The following THOC2 variants were observed in gnomAD, a reference collection of about 807,000 sequenced individuals.
THOC2 encodes the protein THO complex subunit 2.
THOC2 carries 10 observed loss-of-function variants against 128.4 expected under a neutral mutation model. That is an observed-to-expected ratio of 0.08 (90% CI 0.05 to 0.13). The LOEUF (loss-of-function observed/expected upper bound fraction) is 0.13, where lower values mean the gene tolerates loss of function less well. Ranked by LOEUF, THOC2 falls within the 10% of genes least tolerant of loss-of-function variation. The pLI is 1.00. For synonymous variants in THOC2, 393 were observed against 396.9 expected (o/e 0.99, Z 0.12); for missense variants, 535 against 1,155.7 (o/e 0.46, Z 7.79).
intron 37 of THOC2, 60 bp from the exon 38 acceptor site, chrX:123,611,023 C>T (rs1569319686): frequency 1.8e-6 from 2 of 1,091,699 alleles, no homozygotes; most frequent in African/African-American, 3.6e-5. Flanking sequence ...AGCATCTCCC[C>T]TTTTAGTACA....
intron 33 of THOC2, among the ~76,000 whole-genome samples, chrX:123,615,019 G>A (rs1256935653): frequency 9.0e-6 from 1 of 111,642 alleles, no homozygotes; most frequent in Non-Finnish European, 1.9e-5. Flanking sequence ...TTGTAAATAT[G>A]GAAATATGCT....
intron 1 of THOC2, among the ~76,000 whole-genome samples, chrX:123,714,731 A>C (rs1426337080): frequency 2.7e-5 from 3 of 112,120 alleles, no homozygotes; most frequent in African/African-American, 9.7e-5. Context: ...TAACATTCTG[A>C]TCACATTAGA....
chrX:123,701,594 G>T (rs1328906178), intron 4 of THOC2, among the ~76,000 whole-genome samples: 1 of 109,475 alleles, frequency 9.1e-6, no homozygotes, highest in African/African-American at 3.3e-5. Context: ...AGGAACAATA[G>T]CTTCCACAAA....
At chrX:123,628,079 C>G in intron 22 of THOC2, 111 bp from the exon 23 acceptor site, 1 of 600,744 alleles carries the variant, frequency 1.7e-6, no homozygotes, top group Admixed American at 3.6e-5. Flanking sequence ...CAAAAGATGA[C>G]CAATCTCAAA....
At chrX:123,654,382 T>G (rs1175256147) in intron 12 of THOC2, among the ~76,000 whole-genome samples, 2 of 108,958 alleles carry the variant, frequency 1.8e-5, no homozygotes, top group Non-Finnish European at 3.8e-5. Context: ...TCTGCACATG[T>G]ATCCCAGAAC....
intron 30 of THOC2, 149 bp downstream of exon 30, chrX:123,622,609 G>A: frequency 2.5e-6 from 1 of 392,551 alleles, no homozygotes; most frequent in South Asian, 5.4e-5. Context: ...TTCCAGCAGT[G>A]TGGAAAGCCA....
chrX:123,672,051 A>C (rs1004821868), intron 8 of THOC2, among the ~76,000 whole-genome samples: 1 of 112,647 alleles, frequency 8.9e-6, no homozygotes, highest in East Asian at 2.8e-4. Flanking sequence ...GCTGAATAGC[A>C]TAAGTGAGAT....
rs761184116 is a variant in THOC2, at chrX:123,683,147, C to G, written c.768+3401G>C. On this transcript the variant is annotated intron_variant, in intron 8 of 38. Transcript: ENST00000245838. ...TGCATACTGGTTGAGCATCCCAAAT[C>G]TGAAAACCCAAAATCCAAAATGCTC... is the stretch of plus-strand genomic sequence containing the variant. 9.9e-5 allele frequency among the ~76,000 whole-genome samples: 11 copies of G among 111,551 alleles called. No homozygotes were observed. In the South Asian group the frequency reaches 3.8e-3, roughly 38 times the overall value.
intron 8 of THOC2, among the ~76,000 whole-genome samples, chrX:123,683,210 G>T (rs948283285): frequency 1.8e-5 from 2 of 111,509 alleles, no homozygotes; most frequent in African/African-American, 6.5e-5. Context: ...TGCTCAAAAA[G>T]TTTTGGATTT....
intron 1 of THOC2, among the ~76,000 whole-genome samples, chrX:123,716,039 T>C (rs1417736658): frequency 2.7e-5 from 3 of 111,172 alleles, no homozygotes; most frequent in Non-Finnish European, 5.7e-5. Flanking sequence ...CACAGGTCAA[T>C]GCCTCTTATA....
chrX:123,625,579 T>C (rs1183327397), intron 25 of THOC2, among the ~76,000 whole-genome samples: 3 of 109,487 alleles, frequency 2.7e-5, no homozygotes, highest in Non-Finnish European at 5.7e-5. Flanking sequence ...CTACCTATTA[T>C]GATACAACAC....
At chrX:123,723,676 G>C (rs2051808948) in intron 1 of THOC2, among the ~76,000 whole-genome samples, 1 of 111,166 alleles carries the variant, frequency 9.0e-6, no homozygotes, top group Non-Finnish European at 1.9e-5. Context: ...CATAACTGTT[G>C]AACAAAAGCA....
rs1268143956 is a variant in THOC2, at chrX:123,686,658, A to G, written c.658T>C (p.Cys220Arg). Reference sequence around the variant, plus strand: ...AAGAAGTCATCGTGTTCTGGCCTGCATTCAAACACTTCTAAAATGACATCC... The same window carrying G: ...AAGAAGTCATCGTGTTCTGGCCTGCGTTCAAACACTTCTAAAATGACATCC... Reference protein sequence around the residue: ...VLDVILEVFECRPEHDDFFIS... With the variant: ...VLDVILEVFERRPEHDDFFIS... Residue 220 changes from cysteine to arginine, a missense_variant, in exon 8 of 39, where the codon TGC (cysteine) becomes CGC (arginine). Around this residue, in one of 9 missense-constraint regions of THOC2, gnomAD observed 197 missense variants for 313.4 expected, o/e 0.63. Transcript: ENST00000245838. 1 of 1,207,234 alleles carries G rather than the reference A, an allele frequency of 8.3e-7. No homozygotes were observed. Among genetic ancestry groups the G allele is most frequent in the South Asian group, 1.8e-5 (1 of 55,818 alleles).
intron 7 of THOC2, 146 bp from the exon 8 acceptor site, chrX:123,686,860 A>C (rs763275656): frequency 1.8e-3 from 829 of 452,623 alleles, no homozygotes; most frequent in Non-Finnish European, 2.8e-3. Flanking sequence ...TCTCTCCCAG[A>C]GGGAAATAAA....
intron 12 of THOC2, among the ~76,000 whole-genome samples, chrX:123,657,642 GAT>G (rs1448909866): frequency 2.3e-5 from 2 of 85,321 alleles, no homozygotes; most frequent in Non-Finnish European, 4.8e-5. Flanking sequence ...AAAGTGTTAA[GAT>G]AAAAAAAAAA....
At chrX:123,662,647 T>A (rs1162842818) in intron 12 of THOC2, among the ~76,000 whole-genome samples, 5 of 108,876 alleles carry the variant, frequency 4.6e-5, no homozygotes, top group African/African-American at 1.7e-4. Context: ...AATTTTTTGC[T>A]GTCAAAAGAT....
chrX:123,640,159 C>A (rs2047854837), intron 16 of THOC2, among the ~76,000 whole-genome samples: 1 of 111,117 alleles, frequency 9.0e-6, no homozygotes, highest in Non-Finnish European at 1.9e-5. Flanking sequence ...TGCACTCCAG[C>A]CTGGGCAATA....
At chrX:123,702,484 T>C (rs766205224) in intron 4 of THOC2, among the ~76,000 whole-genome samples, 1 of 104,708 alleles carries the variant, frequency 9.6e-6, no homozygotes, top group South Asian at 4.0e-4. Flanking sequence ...CCAATATATA[T>C]ATACAGATAT....
chrX:123,648,635 C>A (rs780875994), intron 12 of THOC2, among the ~76,000 whole-genome samples: 2 of 106,456 alleles, frequency 1.9e-5, no homozygotes, highest in South Asian at 8.1e-4. Context: ...GGAGGAGGGG[C>A]GTGTGCAATT....
Sources: allele counts gnomAD v4.1 joint callset (sites outside exome capture counted in the v4.1 genomes callset), GRCh38; gene constraint gnomAD v4.1.1; regional missense constraint gnomAD v4.1.1; transcripts MANE v1.5; gene names NCBI Gene and HGNC (gene_info 2026-07-23, HGNC 2026-07-21).